ROBO1: variants seen among roughly 807,000 people sequenced by gnomAD.
ROBO1 encodes roundabout homolog 1.
A neutral mutation model predicts 195.9 loss-of-function variants in ROBO1; 149 were observed. The ratio of observed to expected loss-of-function variants is 0.76; its 90% CI spans 0.67 to 0.87. The LOEUF (loss-of-function observed/expected upper bound fraction) is 0.87. Among genes scored for constraint, ROBO1 ranks in the 40% least tolerant of loss-of-function variants. ROBO1 has a pLI of 0.00. For synonymous variants in ROBO1, 816 were observed against 733.2 expected (o/e 1.11, Z -1.82); for missense variants, 1,933 against 2,068.3 (o/e 0.93, Z 1.27).
chr3:79,265,259 A>G (rs1188623821), intron 2 of ROBO1, among the ~76,000 whole-genome samples: 1 of 151,546 alleles, frequency 6.6e-6, no homozygotes, highest in African/African-American at 2.4e-5. Flanking sequence ...TCTTTTGGAG[A>G]TAGGACTAGT....
intron 2 of ROBO1, among the ~76,000 whole-genome samples, chr3:79,550,697 C>T (rs1423312959): frequency 6.6e-6 from 1 of 152,136 alleles, no homozygotes; most frequent in Non-Finnish European, 1.5e-5. Context: ...ATAATTCAAT[C>T]ACTTTAAAAC....
chr3:79,409,763 CA>C (rs1242167218), intron 2 of ROBO1, among the ~76,000 whole-genome samples: 1 of 152,082 alleles, frequency 6.6e-6, no homozygotes, highest in Non-Finnish European at 1.5e-5. Flanking sequence ...TGGAGACCAC[CA>C]CAAAAATCAT....
At chr3:79,080,842 C>G (rs1426080195) in intron 3 of ROBO1, among the ~76,000 whole-genome samples, 1 of 152,124 alleles carries the variant, frequency 6.6e-6, no homozygotes, top group African/African-American at 2.4e-5. Context: ...TTTAAATATT[C>G]AACTTTTTCT....
Position 79,579,409 on chromosome 3 carries a change from A to G in ROBO1, c.88+10415T>C, listed in dbSNP as rs955721989. On this transcript the variant is annotated intron_variant, in intron 2 of 30. Transcript: ENST00000464233. ...ATTATGCTACTTAAGAAAGGAAGACACCCTTAGGTAGAAGAAAGTGTCTAT... is the reference window on the plus strand; with the variant it reads ...ATTATGCTACTTAAGAAAGGAAGACGCCCTTAGGTAGAAGAAAGTGTCTAT... Among the ~76,000 whole-genome samples the G allele has an allele frequency of 7.2e-5, 11 of 152,310 alleles. No individual in the cohort carries two copies. The East Asian group carries it at 2.1e-3, about 29-fold the overall frequency.
In ROBO1 at chr3:78,672,415, C is replaced by CAAAAAT. The variant is rs915805028; in HGVS notation, c.1343-2120_1343-2115dup. ...GTAACATGGCAAAACCCCATCTCCA[C>CAAAAAT]AAAAATAAAAATAAAAATAAAAATA... On this transcript the variant is annotated intron_variant, in intron 10 of 30. Coordinates refer to ENST00000464233, the MANE Select transcript of ROBO1 (RefSeq NM_002941.4). Among the ~76,000 whole-genome samples the CAAAAAT allele has an allele frequency of 4.6e-5, 7 of 151,656 alleles. No homozygotes were observed. In the South Asian group the frequency reaches 6.2e-4, roughly 13 times the overall value.
At chr3:79,527,754 A>G (rs1192224440) in intron 2 of ROBO1, 1 of 40,288 alleles carries the variant, frequency 2.5e-5, no homozygotes, top group African/African-American at 2.2e-4. Context: ...GAACCATGTG[A>G]CATGGACCGC....
At chr3:79,109,119 T>C (rs2079838848) in intron 3 of ROBO1, among the ~76,000 whole-genome samples, 1 of 151,816 alleles carries the variant, frequency 6.6e-6, no homozygotes, top group Non-Finnish European at 1.5e-5. Context: ...TCCCAACACA[T>C]CAAAAGCATG....
intron 2 of ROBO1, among the ~76,000 whole-genome samples, chr3:79,299,846 TAA>T (rs201006013): frequency 3.8e-5 from 5 of 131,800 alleles, no homozygotes; most frequent in East Asian, 2.2e-4. Flanking sequence ...CAAGAAACAC[TAA>T]AAAAAAAAAA....
At chr3:79,679,513 T>C (rs900631103) in intron 1 of ROBO1, among the ~76,000 whole-genome samples, 1 of 152,048 alleles carries the variant, frequency 6.6e-6, no homozygotes, top group African/African-American at 2.4e-5. Context: ...CTTGAAGATA[T>C]GTGTATATGT....
At chr3:78,991,783 C>T (rs193292890) in intron 3 of ROBO1, among the ~76,000 whole-genome samples, 26 of 151,868 alleles carry the variant, frequency 1.7e-4, no homozygotes, top group African/African-American at 5.8e-4. Flanking sequence ...ATCAGACATA[C>T]GAGAAAAAGC....
At chr3:79,513,891 T>C (rs372748410) in intron 2 of ROBO1, among the ~76,000 whole-genome samples, 4 of 152,212 alleles carry the variant, frequency 2.6e-5, no homozygotes, top group Non-Finnish European at 4.4e-5. Flanking sequence ...GAAATGAACA[T>C]TTTTATCCTT....
chr3:78,912,213 T>C (rs1034438995), intron 4 of ROBO1, among the ~76,000 whole-genome samples: 1 of 152,090 alleles, frequency 6.6e-6, no homozygotes, highest in Non-Finnish European at 1.5e-5. Context: ...TACATATTTT[T>C]CATCTGTTTA....
At chr3:79,611,988 G>A (rs964131377) in intron 1 of ROBO1, among the ~76,000 whole-genome samples, 1 of 151,900 alleles carries the variant, frequency 6.6e-6, no homozygotes, top group East Asian at 1.9e-4. Flanking sequence ...ATAATACCAT[G>A]TACATTGTGG....
At chr3:79,381,546 G>A (rs1234063088) in intron 2 of ROBO1, among the ~76,000 whole-genome samples, 2 of 151,714 alleles carry the variant, frequency 1.3e-5, no homozygotes, top group Non-Finnish European at 2.9e-5. Context: ...GTAAACTGTT[G>A]TAACTTATTC....
intron 1 of ROBO1, among the ~76,000 whole-genome samples, chr3:79,667,901 T>C (rs908035062): frequency 6.6e-6 from 1 of 151,830 alleles, no homozygotes; most frequent in African/African-American, 2.4e-5. Context: ...ATTTGGAAAC[T>C]GGAAAAAATT....
intron 4 of ROBO1, among the ~76,000 whole-genome samples, chr3:78,880,003 T>C (rs2036087366): frequency 2.0e-5 from 3 of 152,148 alleles, no homozygotes; most frequent in African/African-American, 7.2e-5. Flanking sequence ...TGATATATAA[T>C]GTATACATGA....
chr3:79,164,201 A>G (rs192614076), intron 2 of ROBO1, among the ~76,000 whole-genome samples: 80 of 152,272 alleles, frequency 5.3e-4, no homozygotes, highest in Admixed American at 1.5e-3. Context: ...AATAACATAA[A>G]TGTGGTCCAA....
intron 2 of ROBO1, among the ~76,000 whole-genome samples, chr3:79,203,195 C>T (rs2081801031): frequency 6.6e-6 from 1 of 152,182 alleles, no homozygotes; most frequent in Non-Finnish European, 1.5e-5. Context: ...GAAATCGCAT[C>T]CAAGCCTCCC....
At chr3:79,205,942 AC>A (rs2081858115) in intron 2 of ROBO1, among the ~76,000 whole-genome samples, 1 of 152,184 alleles carries the variant, frequency 6.6e-6, no homozygotes, top group African/African-American at 2.4e-5. Flanking sequence ...AGGTATGTGA[AC>A]TAGTAAATTC....
Sources: gnomAD v4.1 joint callset for allele counts (sites outside exome capture counted in the v4.1 genomes callset) on GRCh38, gnomAD v4.1.1 for gene constraint, MANE v1.5 for transcripts, NCBI Gene and HGNC (gene_info 2026-07-23, HGNC 2026-07-21) for gene names.